PRIM2: variants seen among roughly 807,000 people sequenced by gnomAD.
The protein encoded by PRIM2 is DNA primase subunit 2, also known as DNA primase large subunit.
In PRIM2, 39 loss-of-function variants were observed where a neutral mutation model predicts 67.3. That is an observed-to-expected ratio of 0.58 (90% confidence interval 0.45 to 0.76). PRIM2 has a LOEUF of 0.76. PRIM2 is among the 30% of genes least tolerant of loss of function. The pLI, the probability that PRIM2 is intolerant of heterozygous loss-of-function variation, is 0.00. For missense variants in PRIM2, 398 were observed against 598.7 expected (o/e 0.66, Z 3.50); for synonymous variants, 143 against 198.7 (o/e 0.72, Z 2.36).
At chr6:57,585,019 A>T (rs1315586514) in intron 10 of PRIM2, among the ~76,000 whole-genome samples, 1 of 152,196 alleles carries the variant, frequency 6.6e-6, no homozygotes, top group Non-Finnish European at 1.5e-5. Flanking sequence ...GGAATATTTA[A>T]TACACCATAG....
In PRIM2 at chr6:57,318,556, A is replaced by G. The variant is rs1562689917; in HGVS notation, c.111A>G (p.Ile37Met). 1.9e-6 allele frequency: 3 copies of G among 1,586,094 alleles called. No individual in the cohort carries two copies. Among genetic ancestry groups the G allele is most frequent in the Non-Finnish European group, 2.6e-6 (3 of 1,164,728 alleles). The part of the protein sequence containing the change: ...QFYLQPPSEN[I>M]SLIEFENLAI... ...ACTTGCAGCCACCTTCTGAAAACAT[A>G]TCTTTAATAGAATTTGAAAACTTGG... The change falls in exon 2 of 14, where the codon ATA becomes ATG. Residue 37 changes from isoleucine to methionine, a missense_variant. Physicochemically the swap from Ile to Met is conservative, Grantham distance 10. Around this residue, in one of 4 missense-constraint regions of PRIM2, gnomAD observed 96 missense variants for 98.3 expected, o/e 0.98. Coordinates refer to ENST00000615550, the MANE Select transcript of PRIM2 (RefSeq NM_000947.5).
chr6:57,263,793 C>A, the PRIM2 span, among the ~76,000 whole-genome samples: 1 of 152,186 alleles, frequency 6.6e-6, no homozygotes, highest in African/African-American at 2.4e-5. Flanking sequence ...CCCCCTACAA[C>A]ACTGAACAGC....
intron 13 of PRIM2, among the ~76,000 whole-genome samples, chr6:57,636,715 T>C (rs1189812357): frequency 3.3e-5 from 5 of 151,912 alleles, no homozygotes; most frequent in African/African-American, 1.2e-4. Context: ...TAGTGGTTAA[T>C]AAAAAAAGAT....
the PRIM2 span, among the ~76,000 whole-genome samples, chr6:57,288,133 G>C: frequency 6.6e-6 from 1 of 152,172 alleles, no homozygotes; most frequent in African/African-American, 2.4e-5. Flanking sequence ...TCCATGCCTG[G>C]CTCGCCAGGT....
rs1157172882 is a variant in PRIM2, at chr6:57,587,664, C to CAAAAAA, written c.1021-13404_1021-13399dup. 2.0e-3 allele frequency among the ~76,000 whole-genome samples: 108 copies of CAAAAAA among 54,238 alleles called. 4 individuals carry two copies. Among genetic ancestry groups the CAAAAAA allele is most frequent in the African/African-American group, 2.4e-3 (32 of 13,080 alleles). 35.6% of individuals were successfully genotyped at this position (54,238 alleles called of 152,430 possible). A position where few individuals can be genotyped will look rare whatever the true frequency, so the allele number is the denominator to read the frequency against. Reference sequence around the variant, plus strand: ...GGGCAACAAGAGTGAGACTCTGTCTCAAAAAAAAAAAAAAAAAAAAAAAAA... The same window carrying CAAAAAA: ...GGGCAACAAGAGTGAGACTCTGTCTCAAAAAAAAAAAAAAAAAAAAAAAAAAAAAAA... On this transcript the variant is annotated intron_variant, in intron 10 of 13. Coordinates refer to ENST00000615550, the MANE Select transcript of PRIM2 (RefSeq NM_000947.5).
At chr6:57,501,686 C>A (rs1554346895) in intron 7 of PRIM2, among the ~76,000 whole-genome samples, 5 of 152,142 alleles carry the variant, frequency 3.3e-5, no homozygotes, top group African/African-American at 1.2e-4. Context: ...AAATAACTAA[C>A]CTACCAGGAG....
intron 7 of PRIM2, among the ~76,000 whole-genome samples, chr6:57,463,840 C>T (rs1180477886): frequency 6.6e-6 from 1 of 152,136 alleles, no homozygotes; most frequent in Non-Finnish European, 1.5e-5. Flanking sequence ...GTGGCCTACT[C>T]ACTGGTCTTG....
At chr6:57,412,387 A>C (rs747201076) in intron 7 of PRIM2, among the ~76,000 whole-genome samples, 1 of 152,164 alleles carries the variant, frequency 6.6e-6, no homozygotes, top group African/African-American at 2.4e-5. Context: ...ACAATCACAT[A>C]TAATGCTGTG....
intron 5 of PRIM2, among the ~76,000 whole-genome samples, chr6:57,347,316 A>G (rs1768710399): frequency 6.6e-6 from 1 of 152,160 alleles, no homozygotes. Context: ...TAAGTAGTGG[A>G]CTTATTAAGG....
chr6:57,340,305 T>G (rs1581806715), intron 5 of PRIM2, among the ~76,000 whole-genome samples: 1 of 152,214 alleles, frequency 6.6e-6, no homozygotes, highest in East Asian at 1.9e-4. Flanking sequence ...TGGCGATTCC[T>G]CAGGGATCTA....
chr6:57,316,664 T>C (rs9475838), upstream of PRIM2, among the ~76,000 whole-genome samples: 75 of 152,296 alleles, frequency 4.9e-4, no homozygotes, highest in African/African-American at 1.8e-3. Flanking sequence ...TCCAGCACAT[T>C]TGTAAGCGAG....
chr6:57,403,044 T>C (rs1456440924), intron 7 of PRIM2, among the ~76,000 whole-genome samples: 3 of 152,124 alleles, frequency 2.0e-5, no homozygotes, highest in African/African-American at 7.2e-5. Context: ...CACATAATTT[T>C]ATTTTAGAAA....
At chr6:57,265,202 A>T in the PRIM2 span, among the ~76,000 whole-genome samples, 1 of 152,170 alleles carries the variant, frequency 6.6e-6, no homozygotes, top group South Asian at 2.1e-4. Flanking sequence ...TGAAGACATG[A>T]CTTGACCTTT....
At chr6:57,337,347 G>A (rs1241431022) in intron 5 of PRIM2, among the ~76,000 whole-genome samples, 1 of 151,974 alleles carries the variant, frequency 6.6e-6, no homozygotes, top group African/African-American at 2.4e-5. Flanking sequence ...ACTCAGCTCT[G>A]CACCAAGCAG....
chr6:57,508,817 G>T lies in PRIM2; in HGVS notation c.761+1363G>T, dbSNP rs1774300724. ...TGTATTCTTTGCTCACTTATTGATA[G>T]CATCTCCTGATCTTATTTGCTTTTA... On this transcript the variant is annotated intron_variant, in intron 8 of 13. Transcript: ENST00000615550. 2.6e-5 allele frequency among the ~76,000 whole-genome samples: 4 copies of T among 152,170 alleles called. No homozygotes were observed. In the South Asian group the frequency reaches 8.3e-4, roughly 32 times the overall value.
chr6:57,278,315 A>G, the PRIM2 span, among the ~76,000 whole-genome samples: 2 of 152,018 alleles, frequency 1.3e-5, no homozygotes, highest in Non-Finnish European at 2.9e-5. Flanking sequence ...TGATAGAGCG[A>G]GACTGTTTAA....
At position 57,543,448 on chromosome 6, in the gene PRIM2, T is replaced by G. The variant is rs1775220060; in HGVS notation, c.1020+5823T>G. Among the ~76,000 whole-genome samples the G allele has an allele frequency of 9.2e-5, 14 of 152,158 alleles. 1 individual carries two copies. The South Asian group carries it at 1.9e-3, about 20-fold the overall frequency. ...TATTGTTTCCCAAATGATCATAATG[T>G]CTGATTTCTTTCTCTTAATATTTGT... On this transcript the variant is annotated intron_variant, in intron 10 of 13. Transcript: ENST00000615550.
intron 7 of PRIM2, 127 bp downstream of exon 7, chr6:57,382,295 A>G (rs4499918): frequency 9.0e-7 from 1 of 1,114,300 alleles, no homozygotes; most frequent in Admixed American, 2.7e-5. Flanking sequence ...TTCAGATTAC[A>G]TATGATGTTG....
rs112321588 is a variant in PRIM2, at chr6:57,436,019, G to A, written c.693+53851G>A. Among the ~76,000 whole-genome samples the A allele has an allele frequency of 8.6e-3, 1,307 of 152,184 alleles. 12 individuals are homozygous for A. The highest frequency in any genetic ancestry group is 0.013 in the Non-Finnish European group (883 of 68,010). ...AGGAAAATTATGCCATCCCCTTTTC[G>A]TTGATAAAATTAGTTCTACATTCAG... On this transcript the variant is annotated intron_variant, in intron 7 of 13. Transcript: ENST00000615550.
Sources: gnomAD v4.1 joint callset for allele counts (sites outside exome capture counted in the v4.1 genomes callset) on GRCh38, gnomAD v4.1.1 for gene constraint, gnomAD v4.1.1 regional missense constraint, MANE v1.5 for transcripts, NCBI Gene and HGNC (gene_info 2026-07-23, HGNC 2026-07-21) for gene names.